The following SCFD2 variants were observed in gnomAD, a reference collection of about 807,000 sequenced individuals.
SCFD2 encodes sec1 family domain containing 2, also known as sec1 family domain-containing protein 2.
A neutral mutation model predicts 58.9 loss-of-function variants in SCFD2; 54 were observed. The observed-to-expected ratio is 0.92, with a 90% confidence interval of 0.74 to 1.15. SCFD2 has a LOEUF of 1.15. Among genes scored for constraint, SCFD2 ranks in the 50% most tolerant of loss-of-function variants. The probability of loss-of-function intolerance (pLI) is 0.00; values close to 1 mark genes in which losing one functional copy is unlikely to be tolerated. For missense variants in SCFD2, 805 were observed against 836.6 expected, an observed-to-expected ratio of 0.96 and a Z score of 0.47; for synonymous variants, 321 against 335.9, an observed-to-expected ratio of 0.96 and a Z score of 0.49.
At chr4:53,157,079 T>C (rs1467948686) in intron 4 of SCFD2, among the ~76,000 whole-genome samples, 2 of 152,238 alleles carry the variant, frequency 1.3e-5, no homozygotes, top group African/African-American at 2.4e-5. Context: ...GGAAAACTTA[T>C]ATATGCCATT....
rs1297017673 is a variant in SCFD2, at chr4:53,257,898, A to T, written c.1311+15928T>A. Among the ~76,000 whole-genome samples, 17 of 152,166 alleles carry T rather than the reference A, an allele frequency of 1.1e-4. 1 individual carries two copies. Among genetic ancestry groups the T allele is most frequent in the Admixed American group, 7.9e-4 (12 of 15,272 alleles). ...TAAAAAAAACCTCATATTTAAAAAA[A>T]ATAGCAAAAAAGATACAAAACAGGA... is the stretch of plus-strand genomic sequence containing the variant. On this transcript the variant is annotated intron_variant, in intron 4 of 8. Coordinates refer to ENST00000401642, the MANE Select transcript of SCFD2 (RefSeq NM_152540.4).
chr4:52,976,809 GAC>G (rs1721269542), intron 5 of SCFD2, among the ~76,000 whole-genome samples: 1 of 152,186 alleles, frequency 6.6e-6, no homozygotes, highest in African/African-American at 2.4e-5. Context: ...TGAGAAGGAT[GAC>G]AGAGTTGAGA....
chr4:53,332,139 C>T (rs4864752), intron 2 of SCFD2, among the ~76,000 whole-genome samples: 88,982 of 149,244 alleles, frequency 0.6, 26,713 homozygotes, highest in Middle Eastern at 0.66. Context: ...CAGGACCAGA[C>T]GGATTCACAG....
chr4:53,064,335 ACC>A (rs1277178017), intron 5 of SCFD2, among the ~76,000 whole-genome samples: 10 of 152,064 alleles, frequency 6.6e-5, no homozygotes, highest in Non-Finnish European at 1.0e-4. Flanking sequence ...ACCAACACAT[ACC>A]ATTTTGATTA....
At chr4:53,168,840 A>G (rs1026433751) in intron 4 of SCFD2, among the ~76,000 whole-genome samples, 1 of 152,184 alleles carries the variant, frequency 6.6e-6, no homozygotes, top group Non-Finnish European at 1.5e-5. Context: ...AGATCTCAAA[A>G]AACATATTCT....
In SCFD2 at chr4:53,097,230, T is replaced by A. The variant is rs577284140; in HGVS notation, c.1561+48103A>T. ...TTTGGTTCCATATGAACTTTAAAGT[T>A]GTTTTTTCCAATTCTGTGAAGAAAG... is the stretch of plus-strand genomic sequence containing the variant. On this transcript the variant is annotated intron_variant, in intron 5 of 8. Transcript: ENST00000401642. 1.7e-3 allele frequency among the ~76,000 whole-genome samples: 256 copies of A among 152,222 alleles called. 2 individuals carry two copies. Among genetic ancestry groups the A allele is most frequent in the Non-Finnish European group, 2.8e-3 (191 of 67,996 alleles).
intron 5 of SCFD2, among the ~76,000 whole-genome samples, chr4:53,016,481 A>G (rs1165280553): frequency 6.6e-6 from 1 of 152,248 alleles, no homozygotes; most frequent in Admixed American, 6.5e-5. Flanking sequence ...GACCAACGGT[A>G]TACTGTTATA....
At chr4:52,931,933 G>A (rs1276350513) in intron 5 of SCFD2, among the ~76,000 whole-genome samples, 8 of 152,120 alleles carry the variant, frequency 5.3e-5, no homozygotes, top group African/African-American at 1.2e-4. Context: ...TGTGTGGGAC[G>A]GGGATTCTAC....
chr4:53,142,824 T>C (rs1167319408), intron 5 of SCFD2, among the ~76,000 whole-genome samples: 2 of 152,198 alleles, frequency 1.3e-5, no homozygotes, highest in African/African-American at 2.4e-5. Flanking sequence ...TAAAGTCCTA[T>C]TGGTCTTCAC....
intron 5 of SCFD2, among the ~76,000 whole-genome samples, chr4:52,931,225 A>G (rs1161649713): frequency 6.6e-6 from 1 of 152,202 alleles, no homozygotes; most frequent in East Asian, 1.9e-4. Context: ...CCCCTTTCAA[A>G]GTGTGTTGAC....
chr4:53,350,987 G>A (rs1346569977), intron 2 of SCFD2, among the ~76,000 whole-genome samples: 2 of 152,178 alleles, frequency 1.3e-5, no homozygotes, highest in South Asian at 2.1e-4. Flanking sequence ...TGGGATTACA[G>A]GCATAAGCCA....
intron 5 of SCFD2, among the ~76,000 whole-genome samples, chr4:52,987,826 C>G (rs766828762): frequency 6.6e-6 from 1 of 152,106 alleles, no homozygotes. Context: ...ACACATAAAA[C>G]GCCGCAATGC....
rs111679743 is a variant in SCFD2, at chr4:53,335,478, A to G, written c.1007+17120T>C. On this transcript the variant is annotated intron_variant, in intron 2 of 8. Transcript: ENST00000401642. The stretch of plus-strand genomic sequence containing the variant: ...CGCTTTTACAAAGGATATTATTGAG[A>G]CAAATGGTGGAACTTGTCTAATCTA... Among the ~76,000 whole-genome samples, 1,325 of 152,292 alleles carry G rather than the reference A, an allele frequency of 8.7e-3. 17 individuals are homozygous for G. Among genetic ancestry groups the G allele is most frequent in the African/African-American group, 0.03 (1,249 of 41,552 alleles).
At chr4:52,915,732 A>C (rs1157970660) in intron 6 of SCFD2, among the ~76,000 whole-genome samples, 1 of 152,244 alleles carries the variant, frequency 6.6e-6, no homozygotes, top group Non-Finnish European at 1.5e-5. Context: ...ACAGCCAATT[A>C]GAAGTAGACT....
At chr4:53,232,854 G>C (rs1729480795) in intron 4 of SCFD2, among the ~76,000 whole-genome samples, 1 of 152,158 alleles carries the variant, frequency 6.6e-6, no homozygotes, top group Non-Finnish European at 1.5e-5. Context: ...GTCCACTTCT[G>C]CTGTGAGTCC....
intron 3 of SCFD2, among the ~76,000 whole-genome samples, chr4:53,282,735 C>T (rs1371734608): frequency 6.6e-6 from 1 of 151,838 alleles, no homozygotes; most frequent in Non-Finnish European, 1.5e-5. Context: ...AAAAAAACAA[C>T]AGAAATGATA....
At chr4:52,982,430 C>T (rs1721397072) in intron 5 of SCFD2, among the ~76,000 whole-genome samples, 1 of 152,194 alleles carries the variant, frequency 6.6e-6, no homozygotes, top group African/African-American at 2.4e-5. Context: ...TTTGATGACT[C>T]TTCTACATAA....
intron 4 of SCFD2, among the ~76,000 whole-genome samples, chr4:53,253,972 C>T (rs1231873833): frequency 6.6e-6 from 1 of 151,146 alleles, no homozygotes; most frequent in Non-Finnish European, 1.5e-5. Flanking sequence ...GGTCATTATC[C>T]TTGGCAAAGT....
chr4:53,058,269 A>G (rs1723404496), intron 5 of SCFD2, among the ~76,000 whole-genome samples: 1 of 152,100 alleles, frequency 6.6e-6, no homozygotes, highest in African/African-American at 2.4e-5. Context: ...TATGCCTATG[A>G]GTTGGGGAAT....
Sources: gnomAD v4.1 joint callset for allele counts (sites outside exome capture counted in the v4.1 genomes callset) on GRCh38, gnomAD v4.1.1 for gene constraint, MANE v1.5 for transcripts, NCBI Gene and HGNC (gene_info 2026-07-23, HGNC 2026-07-21) for gene names.